Variants in ANK1 observed in about 807,000 individuals in gnomAD.
The protein encoded by ANK1 is ankyrin 1.
Under a neutral mutation model 210.4 loss-of-function variants are expected in ANK1, and 51 were observed. The observed-to-expected ratio is 0.24, with a 90% CI of 0.19 to 0.31. The LOEUF is 0.31. ANK1 is among the 10% of genes least tolerant of loss of function. The pLI is 1.00. For synonymous variants in ANK1, 967 were observed against 1,025.9 expected (o/e 0.94, Z 1.10); for missense variants, 2,051 against 2,504.4 (o/e 0.82, Z 3.86).
intron 1 of ANK1, among the ~76,000 whole-genome samples, chr8:41,894,853 C>T (rs1161389424): frequency 6.6e-6 from 1 of 152,132 alleles, no homozygotes; most frequent in Non-Finnish European, 1.5e-5. Flanking sequence ...TGCGGAGATT[C>T]TCTCTCGGTG....
At position 41,702,085 on chromosome 8, in the gene ANK1, C is replaced by A. The variant is rs1329650687; in HGVS notation, c.2355G>T (p.Val785=). The change falls in exon 21 of 43, where the codon GTG becomes GTT. Residue 785 remains valine, a synonymous_variant. Coordinates refer to ENST00000289734, the MANE Select transcript of ANK1 (RefSeq NM_000037.4). ...KRLGYISVTD[V]LKVVTDETSF... Reference sequence around the variant, plus strand: ...TGGTTTCATCCGTGACGACCTTGAGCACGTCGGTGACAGAAATGTAGCCCA... The same window carrying A: ...TGGTTTCATCCGTGACGACCTTGAGAACGTCGGTGACAGAAATGTAGCCCA... 6.2e-7 allele frequency: 1 copy of A among 1,614,240 alleles called. No homozygotes were observed. Among genetic ancestry groups the A allele is most frequent in the Admixed American group, 1.7e-5 (1 of 60,030 alleles).
chr8:41,775,463 C>T (rs2150739689), intron 1 of ANK1, among the ~76,000 whole-genome samples: 1 of 152,336 alleles, frequency 6.6e-6, no homozygotes, highest in East Asian at 1.9e-4. Flanking sequence ...CTTGAACCAT[C>T]CATTGGGAAC....
intron 1 of ANK1, among the ~76,000 whole-genome samples, chr8:41,874,229 C>T (rs995458064): frequency 6.6e-6 from 1 of 152,346 alleles, no homozygotes; most frequent in East Asian, 1.9e-4. Flanking sequence ...CTCAGGGACA[C>T]CCTTGTTGGA....
At chr8:41,699,277 T>G (rs1439242740) in intron 23 of ANK1, among the ~76,000 whole-genome samples, 175 bp downstream of exon 23, 1 of 152,158 alleles carries the variant, frequency 6.6e-6, no homozygotes, top group Non-Finnish European at 1.5e-5. Flanking sequence ...GGCCTCCGCC[T>G]GCCCTAGTGG....
intron 1 of ANK1, among the ~76,000 whole-genome samples, chr8:41,807,935 G>GGGAGGGGAAGAGGA (rs199923364): frequency 9.6e-4 from 144 of 150,006 alleles, no homozygotes; most frequent in Middle Eastern, 7.0e-3. Flanking sequence ...GGAAGGAGGA[G>GGGAGGGGAAGAGGA]GGAGGGGAAG....
intron 3 of ANK1, 102 bp downstream of exon 3, chr8:41,733,869 C>G: frequency 1.1e-6 from 1 of 949,108 alleles, no homozygotes; most frequent in Non-Finnish European, 1.7e-6. Context: ...AAGAGAAATT[C>G]AGATGCATGC....
At chr8:41,745,263 T>C (rs935893236) in intron 2 of ANK1, among the ~76,000 whole-genome samples, 8 of 152,094 alleles carry the variant, frequency 5.3e-5, no homozygotes, top group Non-Finnish European at 8.8e-5. Context: ...GTGGATTGGA[T>C]GGTTGTGTTG....
chr8:41,783,665 C>A (rs1845775860), intron 1 of ANK1, among the ~76,000 whole-genome samples: 1 of 152,170 alleles, frequency 6.6e-6, no homozygotes, highest in Admixed American at 6.5e-5. Context: ...AACACCAGCC[C>A]TGTGCAATGT....
At chr8:41,863,824 G>T (rs1017232350) in intron 1 of ANK1, among the ~76,000 whole-genome samples, 1 of 152,208 alleles carries the variant, frequency 6.6e-6, no homozygotes, top group African/African-American at 2.4e-5. Context: ...AGCGAATGTG[G>T]TTTCTTTCAG....
intron 1 of ANK1, among the ~76,000 whole-genome samples, chr8:41,794,880 A>G (rs942316315): frequency 6.6e-6 from 1 of 151,804 alleles, no homozygotes; most frequent in Non-Finnish European, 1.5e-5. Flanking sequence ...AATTTTTTTT[A>G]TTTTTAACAG....
upstream of ANK1, chr8:41,797,717 G>A: frequency 1.1e-6 from 1 of 905,976 alleles, no homozygotes; most frequent in South Asian, 2.2e-5. The surrounding 1 kb of genome is among the most constrained non-coding windows in gnomAD (Gnocchi z 4.0). Flanking sequence ...CGGGCGGGCG[G>A]AGGGGTGGCG....
chr8:41,719,441 G>T (rs1156857052), intron 10 of ANK1, among the ~76,000 whole-genome samples: 1 of 152,198 alleles, frequency 6.6e-6, no homozygotes, highest in Non-Finnish European at 1.5e-5. Context: ...CTGGTCACCG[G>T]GGCAGGGGTC....
chr8:41,665,066 C>A (rs771923823), intron 39 of ANK1: 2 of 1,603,112 alleles, frequency 1.2e-6, no homozygotes, highest in African/African-American at 2.7e-5. Context: ...GCCAGGGCCC[C>A]GGCCACCACG....
intron 1 of ANK1, among the ~76,000 whole-genome samples, chr8:41,770,459 C>T (rs543777337): frequency 1.1e-4 from 17 of 152,186 alleles, no homozygotes; most frequent in Non-Finnish European, 2.2e-4. Context: ...CATTCCCAGT[C>T]GCATTTTGGT....
chr8:41,875,597 C>G (rs935865652), intron 1 of ANK1, among the ~76,000 whole-genome samples: 2 of 152,206 alleles, frequency 1.3e-5, no homozygotes, highest in African/African-American at 4.8e-5. Flanking sequence ...GTGGCTGCTT[C>G]CCATGGCCAT....
rs542820284 is a variant in ANK1, at chr8:41,740,668, CTA to C, written c.130-6601_130-6600del. ...TGGTGTATCTCTGTATGCGTGCACTCTATATACACATTCATGTAATCACCACC... is the reference window on the plus strand; with the variant it reads ...TGGTGTATCTCTGTATGCGTGCACTCTATACACATTCATGTAATCACCACC... On this transcript the variant is annotated intron_variant, in intron 2 of 42. Coordinates refer to ENST00000289734, the MANE Select transcript of ANK1 (RefSeq NM_000037.4). 9.8e-5 allele frequency among the ~76,000 whole-genome samples: 15 copies of C among 152,304 alleles called. 1 individual carries two copies. The South Asian group carries it at 3.1e-3, about 32-fold the overall frequency.
rs1318118244 is a variant in ANK1, at chr8:41,704,279, T to G, written c.2196+95A>C. On this transcript the variant is annotated intron_variant, in intron 19 of 42. Coordinates refer to ENST00000289734, the MANE Select transcript of ANK1 (RefSeq NM_000037.4). This position sits in a 1 kb window ranked among gnomAD's most constrained non-coding sequence, Gnocchi z 4.1. ...CCCTTTCTTCCTTCAGGGTCCATGGTCAAAACCCTAGTGCTCCCAGAGCAG... is the reference window on the plus strand; with the variant it reads ...CCCTTTCTTCCTTCAGGGTCCATGGGCAAAACCCTAGTGCTCCCAGAGCAG... The G allele has an allele frequency of 4.9e-6, 7 of 1,426,766 alleles. 1 individual carries two copies. The highest frequency in any genetic ancestry group is 6.9e-6 in the Non-Finnish European group (7 of 1,012,024). 88.4% of individuals were successfully genotyped at this position (1,426,766 alleles called of 1,614,324 possible).
intron 1 of ANK1, among the ~76,000 whole-genome samples, chr8:41,859,980 AG>A (rs1467263747): frequency 1.5e-5 from 2 of 133,332 alleles, no homozygotes; most frequent in East Asian, 4.0e-4. Context: ...CACTAAAGAA[AG>A]GGAAATGGGG....
At chr8:41,879,915 G>C (rs1180622596) in intron 1 of ANK1, among the ~76,000 whole-genome samples, 1 of 152,180 alleles carries the variant, frequency 6.6e-6, no homozygotes, top group Admixed American at 6.5e-5. Context: ...TCTGCATTTA[G>C]TGCAAATTAC....
Sources: gnomAD v4.1 joint callset for allele counts (sites outside exome capture counted in the v4.1 genomes callset) on GRCh38, gnomAD v4.1.1 for gene constraint, Gnocchi (gnomAD v3.1) non-coding constraint, MANE v1.5 for transcripts, NCBI Gene and HGNC (gene_info 2026-07-23, HGNC 2026-07-21) for gene names.